The following SATB2 variants were observed in gnomAD, a reference collection of about 807,000 sequenced individuals.
SATB2 encodes DNA-binding protein SATB2.
Under a neutral mutation model 73.4 loss-of-function variants are expected in SATB2, and 1 was observed. That is an observed-to-expected ratio of 0.01 (90% CI 0.00 to 0.06). SATB2 has a LOEUF of 0.06. SATB2 is among the 10% of genes least tolerant of loss of function. The pLI is 1.00. For missense variants in SATB2, 459 were observed against 945.8 expected (o/e 0.49, Z 6.75); for synonymous variants, 397 against 367.0 (o/e 1.08, Z -0.93).
At chr2:199,284,226 T>C (rs1024509705) in intron 10 of SATB2, among the ~76,000 whole-genome samples, 21 of 152,202 alleles carry the variant, frequency 1.4e-4, no homozygotes, top group Non-Finnish European at 1.5e-5. Context: ...CTTTTAAATA[T>C]GTCATATAAT....
intron 2 of SATB2, among the ~76,000 whole-genome samples, chr2:199,437,958 T>C (rs1205473619): frequency 1.3e-5 from 2 of 152,052 alleles, no homozygotes; most frequent in Non-Finnish European, 2.9e-5. Flanking sequence ...GCAAAAAAGG[T>C]GAAAGTGCTT....
At position 199,325,812 on chromosome 2, in the gene SATB2, A is replaced by C. The variant is rs150584549; in HGVS notation, c.1387-1854T>G. Among the ~76,000 whole-genome samples the C allele has an allele frequency of 3.5e-3, 527 of 152,300 alleles. 2 individuals are homozygous for C. Among genetic ancestry groups the C allele is most frequent in the South Asian group, 8.3e-3 (40 of 4,826 alleles). On this transcript the variant is annotated intron_variant, in intron 8 of 10. Transcript: ENST00000417098. ...GGCATAATACCATAAAATGGTGACA[A>C]CTGAATTCATGCAAAATGTTCACAA... is the stretch of plus-strand genomic sequence containing the variant.
chr2:199,299,809 T>A (rs906021011), intron 10 of SATB2, among the ~76,000 whole-genome samples: 1 of 152,096 alleles, frequency 6.6e-6, no homozygotes, highest in Non-Finnish European at 1.5e-5. Flanking sequence ...AATTTAATCA[T>A]TTTTTTCCAA....
At chr2:199,375,544 A>T (rs1370643744) in intron 5 of SATB2, among the ~76,000 whole-genome samples, 1 of 152,184 alleles carries the variant, frequency 6.6e-6, no homozygotes, top group African/African-American at 2.4e-5. Flanking sequence ...CACCTTCAAA[A>T]CTGCTCTTTT....
chr2:199,417,906 A>G (rs1295643600), intron 3 of SATB2, among the ~76,000 whole-genome samples: 1 of 152,250 alleles, frequency 6.6e-6, no homozygotes, highest in Non-Finnish European at 1.5e-5. Context: ...CATGAATACC[A>G]GAAGACCTAG....
At chr2:199,351,790 C>T (rs978495968) in intron 6 of SATB2, among the ~76,000 whole-genome samples, 3 of 152,094 alleles carry the variant, frequency 2.0e-5, no homozygotes, top group Non-Finnish European at 2.9e-5. Context: ...GCTTTTAATT[C>T]AGTCAAAGTA....
chr2:199,360,775 C>T (rs1310612660), intron 6 of SATB2, among the ~76,000 whole-genome samples: 4 of 152,106 alleles, frequency 2.6e-5, no homozygotes, highest in African/African-American at 9.7e-5. Flanking sequence ...ACTCTTTCCT[C>T]TCATGTCCTT....
At chr2:199,438,838 T>C (rs970638893) in intron 2 of SATB2, among the ~76,000 whole-genome samples, 7 of 152,232 alleles carry the variant, frequency 4.6e-5, no homozygotes, top group African/African-American at 1.7e-4. Context: ...TATTTTCAGT[T>C]AATAAATTAG....
At chr2:199,349,275 T>C in intron 6 of SATB2, 102 bp from the exon 7 acceptor site, 1 of 923,792 alleles carries the variant, frequency 1.1e-6, no homozygotes, top group Non-Finnish European at 1.7e-6. Context: ...ATGTTAATAA[T>C]ATAAACATTT....
chr2:199,471,180 G>T (rs1221241058), exon 1 of SATB2: 1 of 152,446 alleles, frequency 6.6e-6, no homozygotes, highest in Non-Finnish European at 1.5e-5. Flanking sequence ...GCAGATACCG[G>T]GCAGGGAAGA....
At chr2:199,417,756 G>T (rs1691037136) in intron 3 of SATB2, among the ~76,000 whole-genome samples, 1 of 152,112 alleles carries the variant, frequency 6.6e-6, no homozygotes, top group Non-Finnish European at 1.5e-5. Context: ...TTATTATATT[G>T]TCAGCCTGTG....
At chr2:199,358,977 C>T (rs1243822688) in intron 6 of SATB2, among the ~76,000 whole-genome samples, 1 of 152,088 alleles carries the variant, frequency 6.6e-6, no homozygotes. Context: ...TAGGTTAAAA[C>T]TGCTTATATC....
At chr2:199,405,366 C>G (rs776079249) in intron 3 of SATB2, among the ~76,000 whole-genome samples, 19 of 152,108 alleles carry the variant, frequency 1.2e-4, no homozygotes, top group Non-Finnish European at 2.6e-4. Flanking sequence ...TGAGACTCCC[C>G]CATAAAGAAC....
intron 5 of SATB2, among the ~76,000 whole-genome samples, chr2:199,370,376 A>AT (rs1559009524): frequency 6.6e-6 from 1 of 152,042 alleles, no homozygotes; most frequent in Non-Finnish European, 1.5e-5. Flanking sequence ...ATAGTAATAA[A>AT]TTTTTTTAAC....
At chr2:199,359,309 C>T (rs1047557906) in intron 6 of SATB2, among the ~76,000 whole-genome samples, 4 of 152,118 alleles carry the variant, frequency 2.6e-5, no homozygotes, top group African/African-American at 9.7e-5. Context: ...ACCTCAAAGG[C>T]ATGTTTATCT....
chr2:199,304,306 A>G (rs1305968077), intron 10 of SATB2, among the ~76,000 whole-genome samples: 1 of 152,314 alleles, frequency 6.6e-6, no homozygotes, highest in South Asian at 2.1e-4. Flanking sequence ...CAACCACAGG[A>G]AATACTTTTG....
At position 199,272,255 on chromosome 2, in the gene SATB2, C is replaced by T. The variant is rs531933724; in HGVS notation, c.2158G>A (p.Ala720Thr). 3 of 1,614,190 alleles carry T rather than the reference C, an allele frequency of 1.9e-6. No individual in the cohort carries two copies. Among genetic ancestry groups the T allele is most frequent in the Non-Finnish European group, 2.5e-6 (3 of 1,180,030 alleles). ...MYKVEAEEENADKSKAAPAEI... is the reference protein window; with the variant it reads ...MYKVEAEEENTDKSKAAPAEI... ...GCAGGTGCTGCCTTGCTTTTGTCAGCATTTTCCTCCTCAGCCTCCACTTTG... is the reference window on the plus strand; with the variant it reads ...GCAGGTGCTGCCTTGCTTTTGTCAGTATTTTCCTCCTCAGCCTCCACTTTG... The change falls in exon 11 of 11, where the codon GCT (alanine) becomes ACT (threonine). Residue 720 changes from alanine (A) to threonine (T), a missense_variant. Ala to Thr is a moderately conservative substitution (Grantham distance 58). This residue lies in a region of SATB2 where 41 missense variants were observed against 38.6 expected (regional missense o/e 1.06). Transcript: ENST00000417098. This position sits in a 1 kb window ranked among gnomAD's most constrained non-coding sequence, Gnocchi z 6.7.
At chr2:199,466,149 C>T (rs1215600287), upstream of SATB2, among the ~76,000 whole-genome samples, 1 of 152,136 alleles carries the variant, frequency 6.6e-6, no homozygotes, top group Non-Finnish European at 1.5e-5. Context: ...GGAGACAGAC[C>T]CGGCCCTTTG....
chr2:199,386,836 T>C (rs1689978689), intron 3 of SATB2, among the ~76,000 whole-genome samples: 1 of 152,072 alleles, frequency 6.6e-6, no homozygotes, highest in African/African-American at 2.4e-5. Context: ...TCTGAAAATT[T>C]ATCACACTCT....
Sources: allele counts gnomAD v4.1 joint callset (sites outside exome capture counted in the v4.1 genomes callset), GRCh38; gene constraint gnomAD v4.1.1; regional missense constraint gnomAD v4.1.1; non-coding constraint Gnocchi (gnomAD v3.1); transcripts MANE v1.5; gene names NCBI Gene and HGNC (gene_info 2026-07-23, HGNC 2026-07-21).